The following GRM8 variants were observed in gnomAD, a reference collection of about 807,000 sequenced individuals.
GRM8 encodes the protein glutamate metabotropic receptor 8.
Under a neutral mutation model 87.2 loss-of-function variants are expected in GRM8, and 47 were observed. The ratio of observed to expected loss-of-function variants is 0.54; its 90% confidence interval spans 0.43 to 0.69. The LOEUF is 0.69. GRM8 is among the 30% of genes least tolerant of loss of function. The pLI is 0.00. For synonymous variants in GRM8, 396 were observed against 404.5 expected (o/e 0.98, Z 0.25); for missense variants, 1,019 against 1,139.2 (o/e 0.89, Z 1.52).
At position 126,453,373 on chromosome 7, in the gene GRM8, G is replaced by A. The variant is rs143420966; in HGVS notation, c.2431-7001C>T. ...CAGTCACTTATCACATCCCCTTTCG[G>A]CTCAGGACACATATTTGCAACATGA... On this transcript the variant is annotated intron_variant, in intron 9 of 10. Transcript: ENST00000339582. Among the ~76,000 whole-genome samples the A allele has an allele frequency of 1.3e-4, 20 of 151,696 alleles. No individual in the cohort carries two copies. The East Asian group carries it at 3.9e-3, about 30-fold the overall frequency.
At position 127,142,570 on chromosome 7, in the gene GRM8, ATT is replaced by A. The variant is rs1828332669; in HGVS notation, c.511-35860_511-35859del. ...CAGAAATTTTTTTCTTTTTATGAATATTTGAGAATGCACTGTAAGCAAATAGT... is the reference window on the plus strand; with the variant it reads ...CAGAAATTTTTTTCTTTTTATGAATATGAGAATGCACTGTAAGCAAATAGT... On this transcript the variant is annotated intron_variant, in intron 2 of 10. Coordinates refer to ENST00000339582, the MANE Select transcript of GRM8 (RefSeq NM_000845.3). Among the ~76,000 whole-genome samples the A allele has an allele frequency of 2.0e-5, 3 of 152,294 alleles. No homozygotes were observed. The South Asian group carries it at 6.2e-4, about 32-fold the overall frequency.
intron 8 of GRM8, among the ~76,000 whole-genome samples, chr7:126,545,052 T>G (rs1385306697): frequency 6.6e-6 from 1 of 152,198 alleles, no homozygotes; most frequent in Non-Finnish European, 1.5e-5. Context: ...TTTCTGATAT[T>G]TGTTACATGA....
At chr7:126,692,707 AAAAAT>A (rs1808956966) in intron 7 of GRM8, among the ~76,000 whole-genome samples, 1 of 152,204 alleles carries the variant, frequency 6.6e-6, no homozygotes, top group African/African-American at 2.4e-5. Context: ...GACTGGAAAA[AAAAAT>A]AAAACACTGC....
chr7:127,247,592 G>T (rs1314139959), intron 1 of GRM8, among the ~76,000 whole-genome samples: 1 of 152,010 alleles, frequency 6.6e-6, no homozygotes, highest in African/African-American at 2.4e-5. Flanking sequence ...TTCTTGGTGG[G>T]GCAGAGTGAG....
At chr7:126,439,224 T>C (rs1801173782) in intron 10 of GRM8, 56 bp from the exon 11 acceptor site, 1 of 963,640 alleles carries the variant, frequency 1.0e-6, no homozygotes, top group Admixed American at 1.7e-5. Context: ...ATCCTTTTGT[T>C]AATATGATTT....
chr7:126,897,523 C>T (rs1801659938), intron 6 of GRM8, among the ~76,000 whole-genome samples: 1 of 151,420 alleles, frequency 6.6e-6, no homozygotes, highest in Non-Finnish European at 1.5e-5. Flanking sequence ...CTGTGGGTGT[C>T]TGGGTTTTGG....
chr7:126,540,462 CAT>C (rs966137019), intron 8 of GRM8, among the ~76,000 whole-genome samples: 22 of 152,174 alleles, frequency 1.4e-4, no homozygotes, highest in African/African-American at 5.1e-4. Context: ...TAGTTAAAAA[CAT>C]ATGTTCCCAC....
intron 8 of GRM8, among the ~76,000 whole-genome samples, chr7:126,578,808 A>T (rs1795334373): frequency 6.6e-6 from 1 of 152,176 alleles, no homozygotes; most frequent in Non-Finnish European, 1.5e-5. Context: ...TTTACATTAG[A>T]TATTAGCTAT....
At chr7:126,786,871 G>A (rs1024165735) in intron 6 of GRM8, among the ~76,000 whole-genome samples, 1 of 152,120 alleles carries the variant, frequency 6.6e-6, no homozygotes, top group African/African-American at 2.4e-5. Flanking sequence ...CTGACAAAGC[G>A]TTTCTGAACT....
At chr7:126,762,157 A>G (rs1279813043) in intron 7 of GRM8, among the ~76,000 whole-genome samples, 1 of 152,182 alleles carries the variant, frequency 6.6e-6, no homozygotes, top group Non-Finnish European at 1.5e-5. Context: ...TCAATAAAAT[A>G]TATGTAAAAT....
At chr7:126,573,117 T>C (rs956532903) in intron 8 of GRM8, among the ~76,000 whole-genome samples, 19 of 152,236 alleles carry the variant, frequency 1.2e-4, no homozygotes, top group African/African-American at 4.1e-4. Context: ...CCCAGGTTTA[T>C]GGTGTCAGAT....
chr7:126,762,547 C>A (rs769586762), intron 7 of GRM8, among the ~76,000 whole-genome samples: 1 of 151,942 alleles, frequency 6.6e-6, no homozygotes, highest in South Asian at 2.1e-4. Context: ...ATGGGAAAAA[C>A]GTTAATTCTT....
At chr7:126,581,000 C>T (rs754542852) in intron 8 of GRM8, among the ~76,000 whole-genome samples, 2 of 151,796 alleles carry the variant, frequency 1.3e-5, no homozygotes, top group Non-Finnish European at 2.9e-5. Flanking sequence ...ATTCCCTAAA[C>T]TTATTTGACC....
At chr7:126,788,380 A>G (rs1452643765) in intron 6 of GRM8, among the ~76,000 whole-genome samples, 1 of 116,136 alleles carries the variant, frequency 8.6e-6, no homozygotes, top group Admixed American at 9.2e-5. Context: ...ACTGCACTTT[A>G]GCCTGGGTAT....
chr7:126,698,416 T>G (rs1041007653), intron 7 of GRM8, among the ~76,000 whole-genome samples: 1 of 152,142 alleles, frequency 6.6e-6, no homozygotes, highest in Non-Finnish European at 1.5e-5. Flanking sequence ...AAATATGTAT[T>G]TTATAAATAT....
intron 9 of GRM8, among the ~76,000 whole-genome samples, chr7:126,505,355 T>A (rs1462086509): frequency 6.6e-6 from 1 of 152,052 alleles, no homozygotes; most frequent in East Asian, 1.9e-4. Flanking sequence ...TTCCATGGAT[T>A]TCTTACAGAA....
intron 9 of GRM8, among the ~76,000 whole-genome samples, chr7:126,527,893 G>T (rs1371070915): frequency 1.3e-5 from 2 of 152,056 alleles, no homozygotes; most frequent in African/African-American, 2.4e-5. Flanking sequence ...CTACTCTTCG[G>T]GCAAGCCTCT....
At chr7:126,816,158 C>A (rs1247144040) in intron 6 of GRM8, among the ~76,000 whole-genome samples, 1 of 152,192 alleles carries the variant, frequency 6.6e-6, no homozygotes, top group African/African-American at 2.4e-5. Flanking sequence ...AAAGAAAAAT[C>A]CAAATATGCA....
chr7:127,159,706 C>G (rs1792974466), intron 2 of GRM8, among the ~76,000 whole-genome samples: 1 of 152,140 alleles, frequency 6.6e-6, no homozygotes, highest in Admixed American at 6.6e-5. Flanking sequence ...TCTTCCCTAG[C>G]TATACATGTA....
Sources: allele counts gnomAD v4.1 joint callset (sites outside exome capture counted in the v4.1 genomes callset), GRCh38; gene constraint gnomAD v4.1.1; transcripts MANE v1.5; gene names NCBI Gene and HGNC (gene_info 2026-07-23, HGNC 2026-07-21).